NATD1: variants seen among roughly 807,000 people sequenced by gnomAD.
The protein encoded by NATD1 is N-acetyltransferase domain containing 1.
A neutral mutation model predicts 12.0 loss-of-function variants in NATD1; 9 were observed. That is an observed-to-expected ratio of 0.75 (90% confidence interval 0.45 to 1.30). NATD1 has a LOEUF of 1.30. Ranked by LOEUF, NATD1 falls within the 50% of genes most tolerant of loss-of-function variation. The pLI, the probability that NATD1 is intolerant of heterozygous loss-of-function variation, is 0.00. For missense variants in NATD1, 148 were observed against 148.5 expected, an observed-to-expected ratio of 1.00 and a Z score of 0.02; for synonymous variants, 71 against 65.9, an observed-to-expected ratio of 1.08 and a Z score of -0.37.
intron 1 of NATD1, among the ~76,000 whole-genome samples, chr17:21,246,521 A>G (rs1468235072): frequency 1.4e-5 from 2 of 147,972 alleles, no homozygotes; most frequent in Non-Finnish European, 3.0e-5. Context: ...TCTCAAAAAA[A>G]AAAGAAAAAA....
At position 21,253,342 on chromosome 17, in the gene NATD1, G is replaced by A. The variant is rs1975398060; in HGVS notation, c.-78C>T. ...AGGTCAGGCGCGCGGCGGGGCTGGA[G>A]CGCGGGCGCAGGCGGCAGGCGGTGG... On this transcript the variant is annotated 5_prime_UTR_variant, in exon 1 of 3. Coordinates refer to ENST00000611551, the MANE Select transcript of NATD1 (RefSeq NM_152914.3). 2 of 599,274 alleles carry A rather than the reference G, an allele frequency of 3.3e-6. No homozygotes were observed. Among genetic ancestry groups the A allele is most frequent in the South Asian group, 1.4e-4 (2 of 14,440 alleles). 37.1% of individuals were successfully genotyped at this position (599,274 alleles called of 1,614,324 possible). A position where few individuals can be genotyped will look rare whatever the true frequency, so the allele number is the denominator to read the frequency against.
intron 1 of NATD1, among the ~76,000 whole-genome samples, chr17:21,251,303 AAAAAAAAAC>A (rs1567646540): frequency 1.3e-5 from 2 of 151,720 alleles, no homozygotes; most frequent in African/African-American, 4.8e-5. Context: ...GAAAAAAAAA[AAAAAAAAAC>A]AAACGTATCC....
In NATD1 at chr17:21,243,316, C is replaced by CGGCTGCAGGCGCTCCA. The variant is rs1555544449; in HGVS notation, c.323_338dup (p.Ter114GlyfsTer66). 1.2e-6 allele frequency: 2 copies of CGGCTGCAGGCGCTCCA among 1,611,464 alleles called. No homozygotes were observed. The highest frequency in any genetic ancestry group is 8.5e-7 in the Non-Finnish European group (1 of 1,179,576). ...CGCTCCCGCCTGCAGGCCAGGGTTA[C>CGGCTGCAGGCGCTCCA]GGCTGCAGGCGCTCCAGGTACTGCG... is the stretch of plus-strand genomic sequence containing the variant. On this transcript the variant is annotated frameshift_variant, in exon 3 of 3. Coordinates refer to ENST00000611551, the MANE Select transcript of NATD1 (RefSeq NM_152914.3). LOFTEE classifies it high-confidence loss of function.
At chr17:21,252,438 TAC>T (rs1435790673) in intron 1 of NATD1, among the ~76,000 whole-genome samples, 2 of 152,226 alleles carry the variant, frequency 1.3e-5, no homozygotes, top group Admixed American at 6.5e-5. Context: ...TTACATTTGT[TAC>T]AGTCTTTCAT....
Position 21,253,362 on chromosome 17 carries a change from C to T in NATD1, c.-98G>A, listed in dbSNP as rs540805035. The stretch of plus-strand genomic sequence containing the variant: ...CTGGAGCGCGGGCGCAGGCGGCAGG[C>T]GGTGGGGTAGTTACGGCCTGGGAGA... On this transcript the variant is annotated 5_prime_UTR_variant, in exon 1 of 3. Transcript: ENST00000611551. 1.6e-5 allele frequency: 6 copies of T among 364,424 alleles called. No homozygotes were observed. The East Asian group carries it at 7.3e-4, about 44-fold the overall frequency. The allele number at this position is 364,424 out of a possible 1,614,324, so 22.6% of individuals were successfully genotyped here.
chr17:21,247,818 ACAG>A (rs1193863431), intron 1 of NATD1, among the ~76,000 whole-genome samples: 2 of 152,148 alleles, frequency 1.3e-5, no homozygotes, highest in Admixed American at 6.5e-5. Flanking sequence ...GTGAGCCGAG[ACAG>A]CAGGATCCAC....
rs1975258261 is a variant in NATD1, at chr17:21,240,476, T to C, written c.*2837A>G. 1 of 152,580 alleles carries C rather than the reference T, an allele frequency of 6.6e-6. No individual in the cohort carries two copies. The highest frequency in any genetic ancestry group is 1.5e-5 in the Non-Finnish European group (1 of 68,152). 9.5% of individuals were successfully genotyped at this position (152,580 alleles called of 1,614,324 possible). On this transcript the variant is annotated 3_prime_UTR_variant, in exon 3 of 3. Coordinates refer to ENST00000611551, the MANE Select transcript of NATD1 (RefSeq NM_152914.3). ...AGCACTGCATGCCAGGCCACACCTT[T>C]TATGGAAATGTTCCTCTGAGACCTG...
At chr17:21,248,104 A>G (rs1488211997) in intron 1 of NATD1, among the ~76,000 whole-genome samples, 1 of 152,158 alleles carries the variant, frequency 6.6e-6, no homozygotes, top group East Asian at 1.9e-4. Flanking sequence ...GACACCCTAC[A>G]TGGGCCAGAC....
At position 21,243,331 on chromosome 17, in the gene NATD1, C is replaced by T. The variant is rs1465400969; in HGVS notation, c.324G>A (p.Leu108=). 1.2e-6 allele frequency: 2 copies of T among 1,612,776 alleles called. No individual in the cohort carries two copies. Among genetic ancestry groups the T allele is most frequent in the African/African-American group, 1.3e-5 (1 of 75,052 alleles). Residue 108 remains leucine (L), a synonymous_variant, in exon 3 of 3, where the codon CTG becomes CTA. Coordinates refer to ENST00000611551, the MANE Select transcript of NATD1 (RefSeq NM_152914.3). ...GCCAGGGTTACGGCTGCAGGCGCTC[C>T]AGGTACTGCGGCAGGGGGTTCTCCT... ...YVKENPLPQY[L]ERLQP
intron 1 of NATD1, among the ~76,000 whole-genome samples, chr17:21,250,268 C>G (rs1567646305): frequency 6.6e-6 from 1 of 152,314 alleles, no homozygotes; most frequent in Non-Finnish European, 1.5e-5. Flanking sequence ...CTTGCTATTC[C>G]CTCCACTTGG....
Position 21,244,311 on chromosome 17 carries a change from G to T in NATD1, c.107-87C>A. On this transcript the variant is annotated intron_variant, in intron 1 of 2. Coordinates refer to ENST00000611551, the MANE Select transcript of NATD1 (RefSeq NM_152914.3). The surrounding 1 kb of genome is among the most constrained non-coding windows in gnomAD (Gnocchi z 5.2). ...AGACGGGTGGAGGGACAGGCATTTG[G>T]AGTCATTCAGCTGCTACAGCTGAAT... The T allele has an allele frequency of 8.8e-7, 1 of 1,139,438 alleles. No individual in the cohort carries two copies. 70.6% of individuals were successfully genotyped at this position (1,139,438 alleles called of 1,614,324 possible).
intron 1 of NATD1, among the ~76,000 whole-genome samples, chr17:21,251,210 A>G (rs1975371728): frequency 1.3e-5 from 2 of 150,444 alleles, no homozygotes. Flanking sequence ...GTTTAGAAAT[A>G]CGGCTGGGCA....
intron 2 of NATD1, among the ~76,000 whole-genome samples, 186 bp from the exon 3 acceptor site, chr17:21,243,615 A>T (rs550041504): frequency 3.9e-5 from 6 of 152,124 alleles, no homozygotes; most frequent in Non-Finnish European, 7.4e-5. Context: ...CAAGGAAAAA[A>T]CACATCACCT....
intron 1 of NATD1, among the ~76,000 whole-genome samples, chr17:21,251,293 G>GAAAAAAAAAAAAA (rs923554742): frequency 9.4e-5 from 8 of 85,444 alleles, no homozygotes; most frequent in Non-Finnish European, 9.6e-5. Context: ...GAAAGAAAAA[G>GAAAAAAAAAAAAA]AAAAAAAAAA....
At chr17:21,253,032 C>T in intron 1 of NATD1, 127 bp downstream of exon 1, 1 of 363,486 alleles carries the variant, frequency 2.8e-6, no homozygotes, top group Non-Finnish European at 3.8e-6. Context: ...CTTGCAACAG[C>T]CTTCCCGGGC....
intron 1 of NATD1, among the ~76,000 whole-genome samples, chr17:21,246,700 T>C (rs1975328137): frequency 6.6e-6 from 1 of 150,586 alleles, no homozygotes; most frequent in South Asian, 2.1e-4. Context: ...AATAAATACA[T>C]ACATCACAGA....
At chr17:21,248,288 G>A (rs1975344266) in intron 1 of NATD1, among the ~76,000 whole-genome samples, 2 of 152,152 alleles carry the variant, frequency 1.3e-5, no homozygotes, top group African/African-American at 4.8e-5. Context: ...TCCTTGTCCT[G>A]CCCCAAACCT....
chr17:21,243,192 G>A lies in NATD1; in HGVS notation c.*121C>T, dbSNP rs995775529. On this transcript the variant is annotated 3_prime_UTR_variant, in exon 3 of 3. Transcript: ENST00000611551. ...ATCTGGACGTGGGGCACAGATGAGT[G>A]TCCTTACAAAAATAACTCTGAGTCT... 1.5e-5 allele frequency: 11 copies of A among 721,486 alleles called. No homozygotes were observed. The highest frequency in any genetic ancestry group is 2.5e-5 in the Non-Finnish European group (11 of 437,318). 44.7% of individuals were successfully genotyped at this position (721,486 alleles called of 1,614,324 possible).
In NATD1 at chr17:21,249,340, G is replaced by A. The variant is rs189597874; in HGVS notation, c.106+3819C>T. 2.8e-3 allele frequency among the ~76,000 whole-genome samples: 432 copies of A among 152,340 alleles called. 4 individuals are homozygous for A. The highest frequency in any genetic ancestry group is 0.01 in the African/African-American group (421 of 41,580). On this transcript the variant is annotated intron_variant, in intron 1 of 2. Transcript: ENST00000611551. ...CTTTTCTGGCACCTCTGTAAGTAGA[G>A]CCTGGATCAGGGAGGTGCCACATGT... is the stretch of plus-strand genomic sequence containing the variant.
Sources: gnomAD v4.1 joint callset for allele counts (sites outside exome capture counted in the v4.1 genomes callset) on GRCh38, gnomAD v4.1.1 for gene constraint, Gnocchi (gnomAD v3.1) non-coding constraint, MANE v1.5 for transcripts, NCBI Gene and HGNC (gene_info 2026-07-23, HGNC 2026-07-21) for gene names.